MYPN: variants seen among roughly 807,000 people sequenced by gnomAD.
MYPN encodes the protein sarcomeric protein myopalladin, 145 kDa (MYOP).
In MYPN, 63 loss-of-function variants were observed where a neutral mutation model predicts 129.4. The ratio of observed to expected loss-of-function variants is 0.49; its 90% CI spans 0.40 to 0.60. The LOEUF is 0.60. Ranked by LOEUF, MYPN falls within the 20% of genes least tolerant of loss-of-function variation. MYPN has a pLI of 0.00. For synonymous variants in MYPN, 629 were observed against 600.9 expected, an observed-to-expected ratio of 1.05 and a Z score of -0.68; for missense variants, 1,596 against 1,635.4, an observed-to-expected ratio of 0.98 and a Z score of 0.42.
intron 1 of MYPN, among the ~76,000 whole-genome samples, chr10:68,089,665 G>T (rs1466619818): frequency 2.0e-5 from 3 of 152,160 alleles, no homozygotes; most frequent in Non-Finnish European, 4.4e-5. Context: ...GTTTTTAAGA[G>T]AATGCTTAAG....
intron 1 of MYPN, 55 bp downstream of exon 1, chr10:68,109,778 G>A: frequency 2.4e-6 from 1 of 418,106 alleles, no homozygotes; most frequent in Non-Finnish European, 4.8e-6. Flanking sequence ...CACTGACAGT[G>A]GAAAAGCGAA....
At chr10:68,096,441 A>C (rs1197025967) in intron 1 of MYPN, among the ~76,000 whole-genome samples, 1 of 152,158 alleles carries the variant, frequency 6.6e-6, no homozygotes, top group Non-Finnish European at 1.5e-5. Context: ...AGCCGCCTGT[A>C]GTCCCAGCTA....
intron 2 of MYPN, among the ~76,000 whole-genome samples, chr10:68,140,471 C>T (rs1173158759): frequency 2.0e-5 from 3 of 150,872 alleles, no homozygotes; most frequent in East Asian, 1.9e-4. Flanking sequence ...ATAGTAAAAG[C>T]GTGTATAATC....
chr10:68,134,077 CA>C (rs2042449805), intron 2 of MYPN, among the ~76,000 whole-genome samples: 1 of 152,128 alleles, frequency 6.6e-6, no homozygotes, highest in African/African-American at 2.4e-5. Context: ...AATCATTCTT[CA>C]AAATCTATAA....
intron 1 of MYPN, among the ~76,000 whole-genome samples, chr10:68,118,392 T>C (rs2042188391): frequency 1.3e-5 from 2 of 152,200 alleles, no homozygotes. Flanking sequence ...CTCAAATAAG[T>C]TAACTTCTCA....
At chr10:68,124,665 T>G (rs2042299466) in intron 2 of MYPN, among the ~76,000 whole-genome samples, 2 of 152,222 alleles carry the variant, frequency 1.3e-5, no homozygotes, top group Admixed American at 1.3e-4. Flanking sequence ...TTTACCTTTG[T>G]GTCTTGAGCA....
intron 13 of MYPN, 143 bp from the exon 14 acceptor site, chr10:68,194,220 T>C (rs561981248): frequency 4.1e-6 from 3 of 736,926 alleles, no homozygotes; most frequent in Non-Finnish European, 6.8e-6. Context: ...ATTTTTAATA[T>C]GTTTTATAAC....
intron 10 of MYPN, among the ~76,000 whole-genome samples, chr10:68,167,694 T>A (rs1353041844): frequency 6.6e-6 from 1 of 152,204 alleles, no homozygotes; most frequent in Non-Finnish European, 1.5e-5. Context: ...CTAGAAGCCA[T>A]TCGTGTTTAG....
At chr10:68,194,189 G>A (rs1302449150) in intron 13 of MYPN, among the ~76,000 whole-genome samples, 174 bp from the exon 14 acceptor site, 1 of 151,910 alleles carries the variant, frequency 6.6e-6, no homozygotes, top group Non-Finnish European at 1.5e-5. Context: ...AGGTACGAGT[G>A]GAGGGGCATA....
At chr10:68,095,546 C>T (rs969475978) in intron 1 of MYPN, among the ~76,000 whole-genome samples, 1 of 152,164 alleles carries the variant, frequency 6.6e-6, no homozygotes, top group Non-Finnish European at 1.5e-5. Flanking sequence ...GTACCTAGAA[C>T]CAGCCTAATG....
At chr10:68,147,075 A>G (rs2042679009) in intron 4 of MYPN, among the ~76,000 whole-genome samples, 1 of 152,198 alleles carries the variant, frequency 6.6e-6, no homozygotes, top group African/African-American at 2.4e-5. Context: ...GCAGTTTTGG[A>G]GTAAGCACCA....
intron 12 of MYPN, among the ~76,000 whole-genome samples, chr10:68,188,603 C>T (rs2043459473): frequency 6.6e-6 from 1 of 152,178 alleles, no homozygotes; most frequent in African/African-American, 2.4e-5. Context: ...TTGAAAGGAA[C>T]ACTAATAGTA....
rs1260227911 is a variant in MYPN at position 68,175,428 on chromosome 10, A to T, written c.2670A>T (p.Lys890Asn). The stretch of plus-strand genomic sequence containing the variant: ...CAGTGATTCGAGACTTGGGGAAAAA[A>T]ATAACTTTCAGTGATGTCAGACCAA... ...KNAVIRDLGK[K>N]ITFSDVRPNQ... Residue 890 changes from lysine (K) to asparagine (N), a missense_variant, in exon 12 of 20, where the codon AAA (lysine) becomes AAT (asparagine). Physicochemically the swap from Lys to Asn is moderately conservative, Grantham distance 94. Coordinates refer to ENST00000358913, the MANE Select transcript of MYPN (RefSeq NM_032578.4). 1.1e-5 allele frequency: 17 copies of T among 1,614,212 alleles called. No individual in the cohort carries two copies. The highest frequency in any genetic ancestry group is 1.4e-5 in the Non-Finnish European group (17 of 1,180,012).
intron 1 of MYPN, among the ~76,000 whole-genome samples, chr10:68,114,017 A>T (rs2042118329): frequency 6.6e-6 from 1 of 152,216 alleles, no homozygotes; most frequent in Admixed American, 6.5e-5. Context: ...TGTAACTGGA[A>T]CTTTGTACCC....
chr10:68,107,417 T>G (rs939408117), upstream of MYPN, among the ~76,000 whole-genome samples: 3 of 150,174 alleles, frequency 2.0e-5, no homozygotes, highest in Non-Finnish European at 3.0e-5. Flanking sequence ...CTCGGCTCAC[T>G]GCAACCTCTG....
intron 13 of MYPN, among the ~76,000 whole-genome samples, chr10:68,193,124 T>A (rs2043542839): frequency 1.3e-5 from 2 of 152,004 alleles, no homozygotes; most frequent in Admixed American, 1.3e-4. Context: ...TTATTTGGAG[T>A]CTTTCTGGGT....
chr10:68,144,054 C>T (rs1405596716), intron 3 of MYPN, among the ~76,000 whole-genome samples: 5 of 152,084 alleles, frequency 3.3e-5, no homozygotes, highest in South Asian at 2.1e-4. Context: ...TGTGCCTGGA[C>T]GATCTGACTT....
rs768457398 is a variant in MYPN at position 68,121,947 on chromosome 10, C to A, written c.509C>A (p.Ser170Tyr). The change falls in exon 2 of 20, where the codon TCC (serine) becomes TAC (tyrosine). Residue 170 changes from serine to tyrosine, a missense_variant. Ser to Tyr is a moderately radical substitution (Grantham distance 144). Coordinates refer to ENST00000358913, the MANE Select transcript of MYPN (RefSeq NM_032578.4). ...ELSSLFKSHS[S>Y]KRIRPRACKN... Reference sequence around the variant, plus strand: ...TCCTCCCTTTTCAAATCCCACAGCTCCAAAAGGATTAGACCTCGTGCCTGC... The same window carrying A: ...TCCTCCCTTTTCAAATCCCACAGCTACAAAAGGATTAGACCTCGTGCCTGC... 6.2e-7 allele frequency: 1 copy of A among 1,614,166 alleles called. No individual in the cohort carries two copies. The highest frequency in any genetic ancestry group is 1.1e-5 in the South Asian group (1 of 91,086).
chr10:68,135,099 G>A (rs191494873), intron 2 of MYPN, among the ~76,000 whole-genome samples: 2,498 of 151,898 alleles, frequency 0.016, 68 homozygotes, highest in Non-Finnish European at 0.018. Context: ...TTACAGGCAC[G>A]CGCTACCATG....
Sources: allele counts gnomAD v4.1 joint callset (sites outside exome capture counted in the v4.1 genomes callset), GRCh38; gene constraint gnomAD v4.1.1; transcripts MANE v1.5; gene names NCBI Gene and HGNC (gene_info 2026-07-23, HGNC 2026-07-21).